ARHGAP10: variants seen among roughly 807,000 people sequenced by gnomAD.
ARHGAP10 encodes the protein Rho GTPase activating protein 10, also known as rho GTPase-activating protein 10.
Under a neutral mutation model 108.6 loss-of-function variants are expected in ARHGAP10, and 87 were observed. The observed-to-expected ratio is 0.80, with a 90% CI of 0.67 to 0.96. The LOEUF (loss-of-function observed/expected upper bound fraction) is 0.96, where lower values mean the gene tolerates loss of function less well. Among genes scored for constraint, ARHGAP10 ranks in the 40% least tolerant of loss-of-function variants. ARHGAP10 has a pLI of 0.00. For missense variants in ARHGAP10, 939 were observed against 954.5 expected, an observed-to-expected ratio of 0.98 and a Z score of 0.21; for synonymous variants, 347 against 341.1, an observed-to-expected ratio of 1.02 and a Z score of -0.19.
chr4:147,752,783 TC>T (rs1027866913), intron 1 of ARHGAP10, among the ~76,000 whole-genome samples: 12 of 152,252 alleles, frequency 7.9e-5, no homozygotes, highest in African/African-American at 2.9e-4. Flanking sequence ...CACCTTGGCC[TC>T]CCAAAGTGCC....
chr4:147,921,696 TGAATCCC>T lies in ARHGAP10; in HGVS notation c.1228+8558_1228+8564del, dbSNP rs1165730295. On this transcript the variant is annotated intron_variant, in intron 13 of 22. Coordinates refer to ENST00000336498, the MANE Select transcript of ARHGAP10 (RefSeq NM_024605.4). ...GTTACAATTTCAAATGTGTTTTAGG[TGAATCCC>T]AGACAGACTCAGAAGTGTTCATGGC... Among the ~76,000 whole-genome samples the T allele has an allele frequency of 7.8e-4, 119 of 152,282 alleles. 3 individuals carry two copies. The South Asian group carries it at 0.022, about 28-fold the overall frequency.
At chr4:147,895,180 A>C (rs540715883) in intron 10 of ARHGAP10, among the ~76,000 whole-genome samples, 3 of 151,936 alleles carry the variant, frequency 2.0e-5, no homozygotes, top group Non-Finnish European at 2.9e-5. Flanking sequence ...TTTGGTGTTA[A>C]ATTTTCCTAA....
intron 3 of ARHGAP10, among the ~76,000 whole-genome samples, chr4:147,826,167 C>T (rs546478645): frequency 2.6e-5 from 4 of 152,246 alleles, no homozygotes; most frequent in Admixed American, 6.5e-5. Flanking sequence ...ACAGAAATAG[C>T]GTGTGACCAT....
chr4:147,756,130 CAAAAAAAAAA>C (rs11355244), intron 1 of ARHGAP10, among the ~76,000 whole-genome samples: 5 of 96,178 alleles, frequency 5.2e-5, no homozygotes, highest in Admixed American at 2.0e-4. Flanking sequence ...TACTAGGAGG[CAAAAAAAAAA>C]AAAAAGAAAA....
intron 19 of ARHGAP10, among the ~76,000 whole-genome samples, chr4:148,025,553 G>T (rs931441125): frequency 6.6e-6 from 1 of 151,054 alleles, no homozygotes; most frequent in Admixed American, 6.6e-5. Flanking sequence ...ACAGAGTAGG[G>T]TCTATATTTT....
At chr4:148,009,155 G>A (rs1741073037) in intron 18 of ARHGAP10, among the ~76,000 whole-genome samples, 1 of 148,266 alleles carries the variant, frequency 6.7e-6, no homozygotes, top group Non-Finnish European at 1.5e-5. Flanking sequence ...TTTTTGAGAT[G>A]GAGTCTTGCT....
chr4:147,864,664 C>T, intron 5 of ARHGAP10, 182 bp from the exon 6 acceptor site: 2 of 530,252 alleles, frequency 3.8e-6, no homozygotes, highest in Non-Finnish European at 3.3e-6. Context: ...TCTGCTGTTG[C>T]AGCAGGAAAG....
chr4:147,818,623 A>G (rs752932067), intron 1 of ARHGAP10, among the ~76,000 whole-genome samples: 8 of 151,782 alleles, frequency 5.3e-5, no homozygotes, highest in Non-Finnish European at 1.0e-4. Flanking sequence ...CCTGCCCTGC[A>G]TCTAACCCAG....
chr4:147,805,802 C>T (rs974626328), intron 1 of ARHGAP10, among the ~76,000 whole-genome samples: 18 of 152,138 alleles, frequency 1.2e-4, no homozygotes, highest in African/African-American at 4.1e-4. Flanking sequence ...GAGCAAGACC[C>T]TGTCTCTTTA....
chr4:147,980,384 A>G (rs1739767986), intron 18 of ARHGAP10, among the ~76,000 whole-genome samples: 1 of 152,216 alleles, frequency 6.6e-6, no homozygotes, highest in South Asian at 2.1e-4. Context: ...CCAGGAATAA[A>G]GCCTACTTGA....
At chr4:147,742,362 A>G (rs1318794382) in intron 1 of ARHGAP10, among the ~76,000 whole-genome samples, 3 of 150,658 alleles carry the variant, frequency 2.0e-5, no homozygotes, top group Non-Finnish European at 4.4e-5. Flanking sequence ...CTGCTTGGCT[A>G]TGGTAGGTGC....
intron 1 of ARHGAP10, among the ~76,000 whole-genome samples, chr4:147,819,004 CTA>C (rs1560774712): frequency 1.3e-5 from 2 of 152,106 alleles, no homozygotes; most frequent in Non-Finnish European, 2.9e-5. Context: ...AATGATATAA[CTA>C]TAATTCTTAG....
intron 5 of ARHGAP10, chr4:147,860,890 G>C (rs1383444281): frequency 6.6e-6 from 1 of 152,218 alleles, no homozygotes; most frequent in African/African-American, 2.4e-5. Context: ...TTTAGATTTG[G>C]TCAGGCTGAA....
intron 18 of ARHGAP10, among the ~76,000 whole-genome samples, chr4:147,993,116 T>C (rs1447785185): frequency 6.6e-6 from 1 of 152,272 alleles, no homozygotes; most frequent in Non-Finnish European, 1.5e-5. Context: ...TGTTTATATC[T>C]TGTTCTTTCT....
At chr4:147,949,764 A>G (rs1287210694) in intron 15 of ARHGAP10, among the ~76,000 whole-genome samples, 1 of 152,208 alleles carries the variant, frequency 6.6e-6, no homozygotes, top group Non-Finnish European at 1.5e-5. Flanking sequence ...AGTGCAGGTA[A>G]AGGGATTGAC....
At chr4:147,816,290 T>G (rs1732243167) in intron 1 of ARHGAP10, among the ~76,000 whole-genome samples, 1 of 152,188 alleles carries the variant, frequency 6.6e-6, no homozygotes, top group Non-Finnish European at 1.5e-5. Context: ...TCCTGAAGGA[T>G]TCTTCATAAT....
At chr4:147,977,833 TC>T (rs1283014511) in intron 18 of ARHGAP10, among the ~76,000 whole-genome samples, 1 of 151,850 alleles carries the variant, frequency 6.6e-6, no homozygotes, top group Non-Finnish European at 1.5e-5. Context: ...TTTTGGAGTC[TC>T]CAGTGTCTAT....
At chr4:147,733,799 G>C (rs1048626240) in intron 1 of ARHGAP10, among the ~76,000 whole-genome samples, 2 of 152,196 alleles carry the variant, frequency 1.3e-5, no homozygotes, top group African/African-American at 4.8e-5. Context: ...CAACTTCTCT[G>C]GATGATCTCC....
chr4:147,868,934 G>C (rs925787801), intron 7 of ARHGAP10, among the ~76,000 whole-genome samples: 1 of 152,052 alleles, frequency 6.6e-6, no homozygotes, highest in Non-Finnish European at 1.5e-5. Context: ...CTGGGGGTTG[G>C]GGACCCCTGC....
Sources: allele counts gnomAD v4.1 joint callset (sites outside exome capture counted in the v4.1 genomes callset), GRCh38; gene constraint gnomAD v4.1.1; transcripts MANE v1.5; gene names NCBI Gene and HGNC (gene_info 2026-07-23, HGNC 2026-07-21).